The following ELP4 variants were observed in gnomAD, a reference collection of about 807,000 sequenced individuals.
ELP4 encodes the protein elongator complex protein 4.
In ELP4, 51 loss-of-function variants were observed where a neutral mutation model predicts 48.9. That is an observed-to-expected ratio of 1.04 (90% CI 0.83 to 1.32). ELP4 has a LOEUF of 1.32. Ranked by LOEUF, ELP4 falls within the 40% of genes most tolerant of loss-of-function variation. ELP4 has a pLI of 0.00. For missense variants in ELP4, 519 were observed against 514.6 expected (o/e 1.01, Z -0.08); for synonymous variants, 210 against 189.2 (o/e 1.11, Z -0.90).
In ELP4 at chr11:31,606,395, A is replaced by G. The variant is rs564323870; in HGVS notation, c.653+2488A>G. ...TCCTATAATTAAGGCTAGAGGTTATAGCTGTGTCCTACTATCATATGTGAG... is the reference window on the plus strand; with the variant it reads ...TCCTATAATTAAGGCTAGAGGTTATGGCTGTGTCCTACTATCATATGTGAG... On this transcript the variant is annotated intron_variant, in intron 5 of 9. Coordinates refer to ENST00000640961, the MANE Select transcript of ELP4 (RefSeq NM_019040.5). 2.0e-5 allele frequency among the ~76,000 whole-genome samples: 3 copies of G among 152,250 alleles called. No individual in the cohort carries two copies. The South Asian group carries it at 6.2e-4, about 32-fold the overall frequency.
intron 5 of ELP4, among the ~76,000 whole-genome samples, chr11:31,614,388 C>T (rs1958038120): frequency 6.6e-6 from 1 of 152,016 alleles, no homozygotes; most frequent in Non-Finnish European, 1.5e-5. Flanking sequence ...ACACAGAAGC[C>T]AGCCCAAAGG....
intron 9 of ELP4, among the ~76,000 whole-genome samples, chr11:31,781,092 T>C (rs559621531): frequency 1.3e-5 from 2 of 152,360 alleles, no homozygotes; most frequent in East Asian, 3.9e-4. Context: ...TATTACTGTA[T>C]TGTAAGGAAA....
intron 1 of ELP4, among the ~76,000 whole-genome samples, chr11:31,519,829 CAAAA>C (rs1045221587): frequency 3.9e-5 from 3 of 76,026 alleles, no homozygotes. Context: ...GACTCCATCT[CAAAA>C]AAAAAAAAAA....
intron 9 of ELP4, among the ~76,000 whole-genome samples, chr11:31,748,920 T>C (rs1474651182): frequency 6.6e-6 from 1 of 152,152 alleles, no homozygotes; most frequent in African/African-American, 2.4e-5. Context: ...ATGAGGACAG[T>C]GCTAGGATGT....
chr11:31,516,221 A>C (rs935736209), intron 1 of ELP4, among the ~76,000 whole-genome samples: 2 of 152,206 alleles, frequency 1.3e-5, no homozygotes, highest in Non-Finnish European at 2.9e-5. Flanking sequence ...AGAAACCTAA[A>C]TCCTCCCTAT....
chr11:31,773,492 A>G (rs772799702), intron 9 of ELP4, among the ~76,000 whole-genome samples: 2 of 152,030 alleles, frequency 1.3e-5, no homozygotes, highest in Non-Finnish European at 2.9e-5. Flanking sequence ...ATGGGGCTGC[A>G]CTCTTGGGGT....
At chr11:31,738,463 G>C (rs1947370814) in intron 9 of ELP4, among the ~76,000 whole-genome samples, 1 of 151,674 alleles carries the variant, frequency 6.6e-6, no homozygotes. Flanking sequence ...GCCAGGCATA[G>C]TGGCCGACGC....
chr11:31,614,105 CACATCATATTATATTTCCAT>C (rs2134017103), intron 5 of ELP4, among the ~76,000 whole-genome samples: 1 of 152,186 alleles, frequency 6.6e-6, no homozygotes, highest in Admixed American at 6.5e-5. Context: ...CCTTATATCT[CACATCATATTATATTTCCAT>C]AGAGTTAAAG....
intron 2 of ELP4, among the ~76,000 whole-genome samples, chr11:31,538,375 C>A (rs1956537713): frequency 6.8e-6 from 1 of 147,556 alleles, no homozygotes; most frequent in African/African-American, 2.5e-5. Flanking sequence ...TATATAACTA[C>A]AATATAATTA....
intron 3 of ELP4, among the ~76,000 whole-genome samples, chr11:31,540,094 A>T (rs1956568836): frequency 6.6e-6 from 1 of 152,202 alleles, no homozygotes; most frequent in African/African-American, 2.4e-5. Flanking sequence ...TAATAGCAAA[A>T]AATTCTAGTT....
intron 2 of ELP4, among the ~76,000 whole-genome samples, chr11:31,534,160 C>G (rs1292610155): frequency 6.6e-6 from 1 of 152,048 alleles, no homozygotes; most frequent in Non-Finnish European, 1.5e-5. Flanking sequence ...AGTAGTATGA[C>G]TCGTGGAATG....
chr11:31,606,077 T>G (rs1957869004), intron 5 of ELP4, among the ~76,000 whole-genome samples: 1 of 152,168 alleles, frequency 6.6e-6, no homozygotes, highest in African/African-American at 2.4e-5. Flanking sequence ...TCTGAGTGTT[T>G]TGTAAGAACT....
chr11:31,618,833 T>A (rs1480635017), intron 5 of ELP4, among the ~76,000 whole-genome samples: 3 of 152,086 alleles, frequency 2.0e-5, no homozygotes, highest in African/African-American at 7.2e-5. Flanking sequence ...ATACTAGAAC[T>A]ATTGAACTGT....
In ELP4 at chr11:31,724,406, A is replaced by G. The variant is rs769863838; in HGVS notation, c.1144-58987A>G. Among the ~76,000 whole-genome samples, 65 of 152,244 alleles carry G rather than the reference A, an allele frequency of 4.3e-4. 1 individual carries two copies. Among genetic ancestry groups the G allele is most frequent in the Admixed American group, 7.2e-4 (11 of 15,282 alleles). On this transcript the variant is annotated intron_variant, in intron 9 of 9. Coordinates refer to ENST00000640961, the MANE Select transcript of ELP4 (RefSeq NM_019040.5). Reference sequence around the variant, plus strand: ...TTATGAAATCACTGTTTTAATTGAAATGCTGTTATAAAATATTAACTAATT... The same window carrying G: ...TTATGAAATCACTGTTTTAATTGAAGTGCTGTTATAAAATATTAACTAATT...
intron 5 of ELP4, among the ~76,000 whole-genome samples, chr11:31,616,870 C>T (rs1042886940): frequency 2.0e-5 from 3 of 152,022 alleles, no homozygotes; most frequent in African/African-American, 4.8e-5. Context: ...AAGATACCCC[C>T]TCACATCTGT....
rs185968715 is a variant in ELP4, at chr11:31,785,335, A to G, written c.*1811A>G. 27 of 183,474 alleles carry G rather than the reference A, an allele frequency of 1.5e-4. No individual in the cohort carries two copies. The highest frequency in any genetic ancestry group is 6.1e-4 in the African/African-American group (26 of 42,608). 11.4% of individuals were successfully genotyped at this position (183,474 alleles called of 1,614,324 possible). On this transcript the variant is annotated 3_prime_UTR_variant, in exon 10 of 10. Coordinates refer to ENST00000640961, the MANE Select transcript of ELP4 (RefSeq NM_019040.5). ...ACAACACACAATGGAACAATTACAT[A>G]GCATTTGACTTGCTGAAAAAGAGAT...
At position 31,668,502 on chromosome 11, in the gene ELP4, T is replaced by A. The variant is rs1276354823; in HGVS notation, c.1143+18281T>A. On this transcript the variant is annotated intron_variant, in intron 9 of 9. Transcript: ENST00000640961. ...GTGTTGTAATTCTTTTTTTTTTTTTTTCCCCAAGAGACAAGGGCTGGCTAT... is the reference window on the plus strand; with the variant it reads ...GTGTTGTAATTCTTTTTTTTTTTTTATCCCCAAGAGACAAGGGCTGGCTAT... 1.1e-4 allele frequency among the ~76,000 whole-genome samples: 16 copies of A among 152,018 alleles called. No homozygotes were observed. The East Asian group carries it at 3.1e-3, about 29-fold the overall frequency.
chr11:31,656,364 G>A (rs1236071880), intron 9 of ELP4, among the ~76,000 whole-genome samples: 1 of 151,900 alleles, frequency 6.6e-6, no homozygotes, highest in Non-Finnish European at 1.5e-5. Flanking sequence ...GAACATCATT[G>A]CTTCATTTGG....
At chr11:31,510,284 T>C (rs575657378) in intron 1 of ELP4, 19 of 546,852 alleles carry the variant, frequency 3.5e-5, no homozygotes, top group Non-Finnish European at 5.6e-5. Context: ...CTTTTTACCC[T>C]GAAATGCTTT....
Sources: allele counts gnomAD v4.1 joint callset (sites outside exome capture counted in the v4.1 genomes callset), GRCh38; gene constraint gnomAD v4.1.1; transcripts MANE v1.5; gene names NCBI Gene and HGNC (gene_info 2026-07-23, HGNC 2026-07-21).